The following POFUT3 variants were observed in gnomAD, a reference collection of about 807,000 sequenced individuals.
POFUT3 encodes GDP-fucose protein O-fucosyltransferase 3.
chr8:33,352,986 A>G, the POFUT3 span, among the ~76,000 whole-genome samples: 1 of 152,220 alleles, frequency 6.6e-6, no homozygotes, highest in East Asian at 1.9e-4. Context: ...GCACAGCCTG[A>G]GACCAAGTTT....
At chr8:33,382,691 AC>A in the POFUT3 span, among the ~76,000 whole-genome samples, 4 of 152,206 alleles carry the variant, frequency 2.6e-5, no homozygotes, top group Non-Finnish European at 5.9e-5. Context: ...ATCACTGTGC[AC>A]AAGCAAGAAA....
At chr8:33,452,784 A>G in the POFUT3 span, 1 of 161,026 alleles carries the variant, frequency 6.2e-6, no homozygotes, top group Non-Finnish European at 1.4e-5. Flanking sequence ...GGACTCATAC[A>G]GATTTTCAAT....
chr8:33,439,271 C>T, the POFUT3 span, among the ~76,000 whole-genome samples: 100 of 152,090 alleles, frequency 6.6e-4, no homozygotes, highest in African/African-American at 2.3e-3. Context: ...GGCATGGTGG[C>T]GTGTGCCTGT....
At chr8:33,341,480 G>A in the POFUT3 span, among the ~76,000 whole-genome samples, 5 of 150,754 alleles carry the variant, frequency 3.3e-5, no homozygotes, top group African/African-American at 1.2e-4. Flanking sequence ...CCAAATACTT[G>A]GGAACTGAAC....
the POFUT3 span, chr8:33,389,855 G>T: frequency 8.1e-7 from 1 of 1,231,580 alleles, no homozygotes; most frequent in Non-Finnish European, 1.2e-6. Context: ...GCTAAGTTTG[G>T]GTCTACCTGG....
chr8:33,325,545 T>A, the POFUT3 span, among the ~76,000 whole-genome samples: 1 of 152,172 alleles, frequency 6.6e-6, no homozygotes, highest in Non-Finnish European at 1.5e-5. Context: ...AGAATTGTAT[T>A]TTTACCTCAG....
chr8:33,373,222 T>G, the POFUT3 span, among the ~76,000 whole-genome samples: 2 of 152,196 alleles, frequency 1.3e-5, no homozygotes, highest in African/African-American at 4.8e-5. Context: ...TGTAAGCGTA[T>G]TCGAATACTC....
At chr8:33,347,863 G>C in the POFUT3 span, among the ~76,000 whole-genome samples, 2 of 152,094 alleles carry the variant, frequency 1.3e-5, no homozygotes. Context: ...GAAGACAAAG[G>C]AGACAGATGA....
chr8:33,468,908 A>G, the POFUT3 span, among the ~76,000 whole-genome samples: 1 of 152,136 alleles, frequency 6.6e-6, no homozygotes, highest in Admixed American at 6.6e-5. Flanking sequence ...TGTTCTGGTA[A>G]TTGGGAGTCA....
At chr8:33,323,602 TGTG>T in the POFUT3 span, among the ~76,000 whole-genome samples, 1 of 152,216 alleles carries the variant, frequency 6.6e-6, no homozygotes, top group East Asian at 1.9e-4. Context: ...CCCTACCACA[TGTG>T]GTGGAAGGTT....
the POFUT3 span, among the ~76,000 whole-genome samples, chr8:33,351,768 A>C: frequency 6.6e-6 from 1 of 152,216 alleles, no homozygotes; most frequent in Non-Finnish European, 1.5e-5. Flanking sequence ...AAAACAGGCA[A>C]GACAGATGAG....
the POFUT3 span, among the ~76,000 whole-genome samples, chr8:33,349,805 G>A: frequency 3.3e-5 from 5 of 152,200 alleles, no homozygotes; most frequent in Middle Eastern, 3.4e-3. Context: ...ACCCAATAGC[G>A]GGATTGCTGG....
At chr8:33,467,856 G>A in the POFUT3 span, among the ~76,000 whole-genome samples, 1 of 152,202 alleles carries the variant, frequency 6.6e-6, no homozygotes, top group African/African-American at 2.4e-5. Context: ...AAGAGTCTCA[G>A]AAATGGAACC....
At chr8:33,398,324 CTG>C in the POFUT3 span, among the ~76,000 whole-genome samples, 3 of 152,178 alleles carry the variant, frequency 2.0e-5, no homozygotes, top group African/African-American at 7.2e-5. Flanking sequence ...ATTATTAAAA[CTG>C]TCGTATTTTC....
the POFUT3 span, among the ~76,000 whole-genome samples, chr8:33,349,339 T>C: frequency 6.6e-6 from 1 of 152,172 alleles, no homozygotes; most frequent in African/African-American, 2.4e-5. Flanking sequence ...GTTACATAGA[T>C]AAGTTCTTTA....
At chr8:33,409,094 T>G in the POFUT3 span, among the ~76,000 whole-genome samples, 1 of 152,154 alleles carries the variant, frequency 6.6e-6, no homozygotes, top group African/African-American at 2.4e-5. Context: ...TATGGTCATT[T>G]TCTTTATTTT....
chr8:33,436,576 A>G, the POFUT3 span: 1 of 898,468 alleles, frequency 1.1e-6, no homozygotes, highest in Non-Finnish European at 1.9e-6. Flanking sequence ...TCTGTCTTCT[A>G]TGTGCACAAA....
chr8:33,390,059 G>T, the POFUT3 span, among the ~76,000 whole-genome samples: 1 of 152,224 alleles, frequency 6.6e-6, no homozygotes, highest in Non-Finnish European at 1.5e-5. Flanking sequence ...GCTGGGCATG[G>T]TGGCACATTG....
the POFUT3 span, among the ~76,000 whole-genome samples, chr8:33,376,339 G>A: frequency 1.3e-5 from 2 of 152,198 alleles, no homozygotes; most frequent in African/African-American, 2.4e-5. Flanking sequence ...ATAAAAATGT[G>A]GGTGCTACTT....
Sources: allele counts gnomAD v4.1 joint callset (sites outside exome capture counted in the v4.1 genomes callset), GRCh38; gene constraint gnomAD v4.1.1; transcripts MANE v1.5; gene names NCBI Gene and HGNC (gene_info 2026-07-23, HGNC 2026-07-21).